Variants in DPH5 observed in about 807,000 individuals in gnomAD.
DPH5 encodes diphthamide biosynthesis 5, also known as diphthine methyl ester synthase.
In DPH5, 31 loss-of-function variants were observed where a neutral mutation model predicts 31.6. The observed-to-expected ratio is 0.98, with a 90% CI of 0.74 to 1.32. DPH5 has a LOEUF of 1.32. DPH5 is among the 40% of genes most tolerant of loss of function. The probability of loss-of-function intolerance (pLI) is 0.00; values close to 1 mark genes in which losing one functional copy is unlikely to be tolerated. For missense variants in DPH5, 309 were observed against 335.7 expected (o/e 0.92, Z 0.62); for synonymous variants, 120 against 115.0 (o/e 1.04, Z -0.28).
Position 100,990,366 on chromosome 1 carries a change from A to T in DPH5, c.*42T>A, listed in dbSNP as rs1250087602. ...ATACATCCAAACCATATCAATCCAT[A>T]TATGGCTGAAATTTACATCAGACAA... On this transcript the variant is annotated 3_prime_UTR_variant, in exon 8 of 8. Coordinates refer to ENST00000370109, the MANE Select transcript of DPH5 (RefSeq NM_015958.3). 1.9e-6 allele frequency: 3 copies of T among 1,580,096 alleles called. No individual in the cohort carries two copies. Among genetic ancestry groups the T allele is most frequent in the Non-Finnish European group, 2.6e-6 (3 of 1,150,730 alleles).
chr1:100,996,362 C>G (rs1658347330), intron 5 of DPH5: 1 of 152,180 alleles, frequency 6.6e-6, no homozygotes, highest in Non-Finnish European at 1.5e-5. Flanking sequence ...TCTATAGAAT[C>G]TGATTTTTAA....
Position 101,019,399 on chromosome 1 carries a change from T to C in DPH5, c.260+2242A>G, listed in dbSNP as rs142800728. Among the ~76,000 whole-genome samples, 367 of 152,310 alleles carry C rather than the reference T, an allele frequency of 2.4e-3. 1 individual carries two copies. The highest frequency in any genetic ancestry group is 8.3e-3 in the African/African-American group (344 of 41,574). On this transcript the variant is annotated intron_variant, in intron 3 of 7. Coordinates refer to ENST00000370109, the MANE Select transcript of DPH5 (RefSeq NM_015958.3). The stretch of plus-strand genomic sequence containing the variant: ...TGCACAACAATGTGAATGTACTTAG[T>C]ATGCCACTGAACTGTACACTAAAAT...
intron 4 of DPH5, among the ~76,000 whole-genome samples, chr1:101,004,489 G>A (rs1659084083): frequency 6.6e-6 from 1 of 152,096 alleles, no homozygotes; most frequent in Admixed American, 6.5e-5. Context: ...GAAACAGTAG[G>A]TAAACACAGG....
chr1:101,024,629 AC>A (rs1456929008), intron 2 of DPH5, among the ~76,000 whole-genome samples: 6 of 152,336 alleles, frequency 3.9e-5, no homozygotes, highest in African/African-American at 1.4e-4. Context: ...TTTACATTCT[AC>A]TTAGAGTTTG....
chr1:100,998,679 C>T (rs6677422), intron 5 of DPH5, among the ~76,000 whole-genome samples: 2,371 of 152,248 alleles, frequency 0.016, 60 homozygotes, highest in African/African-American at 0.054. Context: ...CTACACTGTG[C>T]TAGACTTCTA....
chr1:101,014,039 G>A (rs971888457), intron 3 of DPH5, among the ~76,000 whole-genome samples: 2 of 152,156 alleles, frequency 1.3e-5, no homozygotes, highest in Admixed American at 1.3e-4. Flanking sequence ...CACTCCTAAA[G>A]CAGCCTTGGC....
intron 1 of DPH5, 77 bp from the exon 2 acceptor site, chr1:101,025,543 C>A (rs1203124823): frequency 4.9e-6 from 7 of 1,439,180 alleles, no homozygotes; most frequent in Non-Finnish European, 6.6e-6. Context: ...ACGATGACAA[C>A]CAAAGTAGCA....
chr1:101,008,867 A>C (rs1659435219), intron 4 of DPH5, among the ~76,000 whole-genome samples: 1 of 152,196 alleles, frequency 6.6e-6, no homozygotes, highest in African/African-American at 2.4e-5. Context: ...TTTTTAGTAA[A>C]TTACCACGCT....
intron 3 of DPH5, 129 bp downstream of exon 3, chr1:101,021,512 A>G (rs1461333818): frequency 1.2e-6 from 1 of 834,262 alleles, no homozygotes; most frequent in Non-Finnish European, 1.8e-6. Flanking sequence ...GACATTTTAG[A>G]TAGCGCTTAA....
intron 5 of DPH5, 74 bp downstream of exon 5, chr1:101,001,393 C>G (rs919619105): frequency 6.7e-7 from 1 of 1,497,696 alleles, no homozygotes; most frequent in Non-Finnish European, 9.1e-7. Context: ...ATCCACAGAC[C>G]TTAACACAAA....
At chr1:101,011,417 A>G (rs1374127286) in intron 4 of DPH5, among the ~76,000 whole-genome samples, 1 of 152,164 alleles carries the variant, frequency 6.6e-6, no homozygotes, top group African/African-American at 2.4e-5. Context: ...AGCTGGGGGG[A>G]AAATGGTGTG....
At chr1:100,998,299 C>T (rs991319594) in intron 5 of DPH5, among the ~76,000 whole-genome samples, 8 of 151,968 alleles carry the variant, frequency 5.3e-5, no homozygotes, top group African/African-American at 1.5e-4. Flanking sequence ...TCACTTGAGG[C>T]CAGGGGTTTG....
At chr1:100,993,164 C>G (rs997676388) in intron 6 of DPH5, among the ~76,000 whole-genome samples, 1 of 152,078 alleles carries the variant, frequency 6.6e-6, no homozygotes, top group African/African-American at 2.4e-5. Context: ...ACTAAAGCAT[C>G]TTGGATGCTT....
intron 5 of DPH5, among the ~76,000 whole-genome samples, chr1:100,996,646 C>T (rs1570654029): frequency 6.6e-6 from 1 of 152,074 alleles, no homozygotes; most frequent in Admixed American, 6.6e-5. Flanking sequence ...AGTCACCAGC[C>T]CATATTAAAC....
At chr1:100,997,075 G>A (rs1008252378) in intron 5 of DPH5, among the ~76,000 whole-genome samples, 1 of 152,168 alleles carries the variant, frequency 6.6e-6, no homozygotes, top group Non-Finnish European at 1.5e-5. Context: ...GCTAAGAAAA[G>A]GGGCAGCTCT....
At chr1:101,003,808 C>A (rs1558039779) in intron 4 of DPH5, among the ~76,000 whole-genome samples, 1 of 152,160 alleles carries the variant, frequency 6.6e-6, no homozygotes, top group Non-Finnish European at 1.5e-5. Context: ...TTTATGATTT[C>A]ATTCTGACAA....
At chr1:101,017,249 G>C (rs1438126795) in intron 3 of DPH5, among the ~76,000 whole-genome samples, 1 of 152,088 alleles carries the variant, frequency 6.6e-6, no homozygotes, top group Non-Finnish European at 1.5e-5. Context: ...ATAAAACGAG[G>C]TATGCCTGTA....
intron 4 of DPH5, 107 bp from the exon 5 acceptor site, chr1:101,001,694 C>T (rs759980236): frequency 1.7e-5 from 15 of 894,330 alleles, no homozygotes; most frequent in African/African-American, 8.5e-5. Context: ...ATATCCAACT[C>T]GAAATGGGTT....
Position 101,025,733 on chromosome 1 carries a change from C to CGT in DPH5, c.-75_-74insAC. 2.8e-6 allele frequency: 1 copy of CGT among 352,066 alleles called. No individual in the cohort carries two copies. Among genetic ancestry groups the CGT allele is most frequent in the Non-Finnish European group, 5.2e-6 (1 of 191,184 alleles). The allele number at this position is 352,066 out of a possible 1,614,324, so 21.8% of individuals were successfully genotyped here. ...TCTGGCCTTTACAAATTCTTAACTA[C>CGT]CACCTTTCCGCAGAAGCAACTGCAA... On this transcript the variant is annotated 5_prime_UTR_variant, in exon 1 of 8. Coordinates refer to ENST00000370109, the MANE Select transcript of DPH5 (RefSeq NM_015958.3).
Sources: gnomAD v4.1 joint callset for allele counts (sites outside exome capture counted in the v4.1 genomes callset) on GRCh38, gnomAD v4.1.1 for gene constraint, MANE v1.5 for transcripts, NCBI Gene and HGNC (gene_info 2026-07-23, HGNC 2026-07-21) for gene names.